The following SLC4A7 variants were observed in gnomAD, a reference collection of about 807,000 sequenced individuals.
SLC4A7 encodes the protein solute carrier family 4 member 7.
In SLC4A7, 51 loss-of-function variants were observed where a neutral mutation model predicts 137.6. That is an observed-to-expected ratio of 0.37 (90% CI 0.30 to 0.47). The LOEUF (loss-of-function observed/expected upper bound fraction) is 0.47, where lower values mean the gene tolerates loss of function less well. SLC4A7 is among the 20% of genes least tolerant of loss of function. The pLI, the probability that SLC4A7 is intolerant of heterozygous loss-of-function variation, is 1.00. For synonymous variants in SLC4A7, 542 were observed against 518.6 expected, an observed-to-expected ratio of 1.05 and a Z score of -0.61; for missense variants, 1,247 against 1,525.4, an observed-to-expected ratio of 0.82 and a Z score of 3.04.
rs1028763675 is a variant in SLC4A7 at position 27,375,539 on chromosome 3, A to C, written c.*1225T>G. ...ATCTGAGCTACATATAAAATGTCTA[A>C]TTTCCTTTTAAAATATAAATATGGC... is the stretch of plus-strand genomic sequence containing the variant. On this transcript the variant is annotated 3_prime_UTR_variant, in exon 26 of 26. Transcript: ENST00000454389. 1 of 152,474 alleles carries C rather than the reference A, an allele frequency of 6.6e-6. No homozygotes were observed. The highest frequency in any genetic ancestry group is 2.4e-5 in the African/African-American group (1 of 41,454). 9.4% of individuals were successfully genotyped at this position (152,474 alleles called of 1,614,324 possible).
At position 27,431,669 on chromosome 3, in the gene SLC4A7, CCT is replaced by C. The variant is rs745410541; in HGVS notation, c.779-2_779-1del. 2.0e-6 allele frequency: 3 copies of C among 1,532,358 alleles called. No individual in the cohort carries two copies. Among genetic ancestry groups the C allele is most frequent in the Non-Finnish European group, 2.6e-6 (3 of 1,140,464 alleles). 94.9% of individuals were successfully genotyped at this position (1,532,358 alleles called of 1,614,324 possible). A position where few individuals can be genotyped will look rare whatever the true frequency, so the allele number is the denominator to read the frequency against. On this transcript the variant is annotated splice_acceptor_variant, in intron 6 of 25. Transcript: ENST00000454389. LOFTEE classifies it high-confidence loss of function. Reference sequence around the variant, plus strand: ...GTGGCGGGAGGCTGAAAGGCCTTCCCCTGAGATAAAACAAATAAATGAAAAAT... The same window carrying C: ...GTGGCGGGAGGCTGAAAGGCCTTCCCGAGATAAAACAAATAAATGAAAAAT...
rs748279684 is a variant in SLC4A7, at chr3:27,403,279, A to G, written c.2181T>C (p.Tyr727=). ...VATDASSLVC[Y]ITRFTEEAFA... The stretch of plus-strand genomic sequence containing the variant: ...AAGCCTCTTCTGTAAATCGAGTAAT[A>G]TAACACACAAGGCTGCTTGCATCTG... Residue 727 remains tyrosine (Y), a synonymous_variant, in exon 15 of 26, where the codon TAT becomes TAC. Transcript: ENST00000454389. 8.7e-6 allele frequency: 14 copies of G among 1,613,970 alleles called. No individual in the cohort carries two copies. The highest frequency in any genetic ancestry group is 4.5e-5 in the East Asian group (2 of 44,858).
At chr3:27,468,120 C>T (rs1310110546) in intron 1 of SLC4A7, among the ~76,000 whole-genome samples, 1 of 152,046 alleles carries the variant, frequency 6.6e-6, no homozygotes, top group African/African-American at 2.4e-5. Context: ...GTAGAGATGA[C>T]GTTTCACCAT....
intron 1 of SLC4A7, among the ~76,000 whole-genome samples, chr3:27,481,345 C>A (rs2059698497): frequency 6.6e-6 from 1 of 152,188 alleles, no homozygotes; most frequent in Non-Finnish European, 1.5e-5. Context: ...AGAGGCTAAA[C>A]TATGAAACAG....
At chr3:27,408,790 G>A (rs1439918183) in intron 13 of SLC4A7, among the ~76,000 whole-genome samples, 1 of 152,174 alleles carries the variant, frequency 6.6e-6, no homozygotes, top group African/African-American at 2.4e-5. Context: ...AATGGATGAA[G>A]CTTTCAATTA....
At chr3:27,458,893 G>C (rs1342273782) in intron 1 of SLC4A7, among the ~76,000 whole-genome samples, 4 of 152,206 alleles carry the variant, frequency 2.6e-5, no homozygotes, top group African/African-American at 9.7e-5. Flanking sequence ...TGGAGGCTGA[G>C]GAAAGAGAAT....
chr3:27,449,600 T>C (rs1281769878), intron 2 of SLC4A7, among the ~76,000 whole-genome samples: 1 of 152,152 alleles, frequency 6.6e-6, no homozygotes, highest in African/African-American at 2.4e-5. Flanking sequence ...AAAAAGCTAC[T>C]GCTGATATTG....
chr3:27,448,832 C>T (rs910236482), intron 2 of SLC4A7, 35 bp from the exon 3 acceptor site: 1 of 1,501,546 alleles, frequency 6.7e-7, no homozygotes, highest in Non-Finnish European at 9.0e-7. Context: ...TACTAGCTTT[C>T]CAAAAGAGAA....
chr3:27,401,430 C>T (rs545510512), intron 15 of SLC4A7, among the ~76,000 whole-genome samples: 3 of 152,190 alleles, frequency 2.0e-5, no homozygotes, highest in Non-Finnish European at 4.4e-5. Context: ...ACTATTTCAA[C>T]TACCTAAAGC....
At chr3:27,394,440 T>A in intron 20 of SLC4A7, 78 bp downstream of exon 20, 1 of 1,279,550 alleles carries the variant, frequency 7.8e-7, no homozygotes, top group East Asian at 2.3e-5. Context: ...TTTAAGTATA[T>A]TTTAATGTTT....
chr3:27,442,463 A>T (rs551099537), intron 3 of SLC4A7, among the ~76,000 whole-genome samples: 2 of 147,350 alleles, frequency 1.4e-5, no homozygotes, highest in South Asian at 4.3e-4. Flanking sequence ...TTTTTGAGAC[A>T]GCGTCTCACT....
intron 25 of SLC4A7, among the ~76,000 whole-genome samples, chr3:27,378,463 A>AT (rs1286027024): frequency 2.0e-5 from 3 of 152,234 alleles, no homozygotes; most frequent in African/African-American, 7.2e-5. Flanking sequence ...ACAGTAATTC[A>AT]TTTCTCCAGA....
At chr3:27,409,220 GA>G (rs1357862176) in intron 13 of SLC4A7, 135 bp downstream of exon 13, 3 of 611,944 alleles carry the variant, frequency 4.9e-6, no homozygotes, top group Admixed American at 2.9e-5. Context: ...TACCTTTGGG[GA>G]AAGTCTGCTT....
At chr3:27,461,693 C>A (rs1271340949) in intron 1 of SLC4A7, among the ~76,000 whole-genome samples, 3 of 151,488 alleles carry the variant, frequency 2.0e-5, no homozygotes, top group Non-Finnish European at 2.9e-5. Flanking sequence ...GGCACAGTGG[C>A]TCACGTCTGT....
intron 8 of SLC4A7, chr3:27,422,918 A>G: frequency 4.9e-6 from 2 of 409,790 alleles, no homozygotes; most frequent in South Asian, 3.4e-5. Context: ...GAGGAACAAA[A>G]ATAAACGGCA....
At chr3:27,419,393 A>G (rs1019452461) in intron 10 of SLC4A7, among the ~76,000 whole-genome samples, 2 of 151,544 alleles carry the variant, frequency 1.3e-5, no homozygotes, top group African/African-American at 4.8e-5. Flanking sequence ...ACATGGTGAC[A>G]CCCCATCTCT....
chr3:27,391,924 A>T, intron 20 of SLC4A7, 116 bp from the exon 21 acceptor site: 2 of 570,864 alleles, frequency 3.5e-6, no homozygotes, highest in Non-Finnish European at 3.1e-6. Flanking sequence ...GATTAGACCG[A>T]CCTAACATTT....
At chr3:27,415,454 AC>A (rs1458620073) in intron 11 of SLC4A7, among the ~76,000 whole-genome samples, 1 of 152,146 alleles carries the variant, frequency 6.6e-6, no homozygotes, top group East Asian at 1.9e-4. Context: ...CAGTTAGCTA[AC>A]CCTTCCTGCA....
intron 3 of SLC4A7, among the ~76,000 whole-genome samples, chr3:27,439,246 C>T (rs2057003335): frequency 6.6e-6 from 1 of 151,786 alleles, no homozygotes; most frequent in Admixed American, 6.6e-5. Flanking sequence ...AGGAAGAAAA[C>T]CAAAGATTAA....
Sources: allele counts gnomAD v4.1 joint callset (sites outside exome capture counted in the v4.1 genomes callset), GRCh38; gene constraint gnomAD v4.1.1; transcripts MANE v1.5; gene names NCBI Gene and HGNC (gene_info 2026-07-23, HGNC 2026-07-21).